PAN3: variants seen among roughly 807,000 people sequenced by gnomAD.
The protein encoded by PAN3 is poly(A) specific ribonuclease subunit PAN3, also known as PAN2-PAN3 deadenylation complex subunit PAN3.
PAN3 carries 19 observed loss-of-function variants against 96.2 expected under a neutral mutation model. That is an observed-to-expected ratio of 0.20 (90% CI 0.14 to 0.29). The LOEUF (loss-of-function observed/expected upper bound fraction) is 0.29, where lower values mean the gene tolerates loss of function less well. Among genes scored for constraint, PAN3 ranks in the 10% least tolerant of loss-of-function variants. PAN3 has a pLI of 1.00. For missense variants in PAN3, 882 were observed against 1,108.1 expected, an observed-to-expected ratio of 0.80 and a Z score of 2.90; for synonymous variants, 433 against 406.6, an observed-to-expected ratio of 1.06 and a Z score of -0.78.
chr13:28,139,116 C>CGGCGGCGGAG, intron 1 of PAN3, 29 bp downstream of exon 1: 1 of 1,273,804 alleles, frequency 7.9e-7, no homozygotes, highest in Non-Finnish European at 9.9e-7. Context: ...GGGCGGGCCG[C>CGGCGGCGGAG]GGCGGCGGAG....
At chr13:28,161,244 G>T (rs1474786720) in intron 1 of PAN3, among the ~76,000 whole-genome samples, 1 of 152,126 alleles carries the variant, frequency 6.6e-6, no homozygotes, top group Non-Finnish European at 1.5e-5. Flanking sequence ...CAGGTTTGGA[G>T]GCTGAAAGTC....
chr13:28,256,686 C>G (rs1052542772), intron 7 of PAN3, 147 bp downstream of exon 7: 1 of 832,552 alleles, frequency 1.2e-6, no homozygotes, highest in Non-Finnish European at 1.8e-6. Context: ...CTAGTCTCTT[C>G]TTCTCAACTC....
chr13:28,262,260 T>C (rs1885804402), intron 9 of PAN3, among the ~76,000 whole-genome samples: 1 of 152,246 alleles, frequency 6.6e-6, no homozygotes, highest in Non-Finnish European at 1.5e-5. Context: ...TTGTTCTAAC[T>C]GTACCACAAT....
intron 6 of PAN3, 87 bp from the exon 7 acceptor site, chr13:28,256,205 C>T: frequency 7.4e-7 from 1 of 1,360,208 alleles, no homozygotes; most frequent in Non-Finnish European, 1.0e-6. Context: ...ATGTTTCTTC[C>T]AAATGAATGT....
chr13:28,205,664 C>T (rs546839314), intron 5 of PAN3, among the ~76,000 whole-genome samples: 1 of 151,966 alleles, frequency 6.6e-6, no homozygotes, highest in African/African-American at 2.4e-5. Context: ...CATAGTGAGA[C>T]CCCTGTCTCT....
rs930119580 is a variant in PAN3, at chr13:28,150,577, C to G, written c.430+11490C>G. Reference sequence around the variant, plus strand: ...GCATGAACCCGGGAGGCAGAACTTGCAGTGAGCCGAGATCACGCCACTGCC... The same window carrying G: ...GCATGAACCCGGGAGGCAGAACTTGGAGTGAGCCGAGATCACGCCACTGCC... On this transcript the variant is annotated intron_variant, in intron 1 of 18. Coordinates refer to ENST00000380958, the MANE Select transcript of PAN3 (RefSeq NM_175854.8). 8.1e-5 allele frequency among the ~76,000 whole-genome samples: 12 copies of G among 148,148 alleles called. No individual in the cohort carries two copies. The South Asian group carries it at 2.6e-3, about 32-fold the overall frequency.
At chr13:28,188,602 AAAAG>A (rs149514129) in intron 4 of PAN3, among the ~76,000 whole-genome samples, 7,990 of 152,152 alleles carry the variant, frequency 0.053, 275 homozygotes, top group South Asian at 0.14. Context: ...TCTAGAAAAA[AAAAG>A]AAAAAGAAAA....
intron 5 of PAN3, among the ~76,000 whole-genome samples, chr13:28,216,345 GGA>G (rs1198524888): frequency 6.6e-6 from 1 of 152,146 alleles, no homozygotes; most frequent in African/African-American, 2.4e-5. Context: ...GGGGTGGAAA[GGA>G]GAGAGGGGTT....
At chr13:28,163,497 A>G (rs983070237) in intron 1 of PAN3, among the ~76,000 whole-genome samples, 1 of 152,154 alleles carries the variant, frequency 6.6e-6, no homozygotes, top group African/African-American at 2.4e-5. Flanking sequence ...CCACACCACA[A>G]CCCTATGAGT....
chr13:28,276,926 A>G (rs191960900), intron 14 of PAN3, among the ~76,000 whole-genome samples: 6 of 152,294 alleles, frequency 3.9e-5, no homozygotes, highest in African/African-American at 1.4e-4. Context: ...AAAAGTGGCA[A>G]TTTGTAGTTG....
intron 5 of PAN3, among the ~76,000 whole-genome samples, chr13:28,197,947 C>T (rs1244892944): frequency 1.3e-5 from 2 of 152,034 alleles, no homozygotes; most frequent in East Asian, 3.9e-4. Flanking sequence ...ATTTTTACTA[C>T]CCAAGAGTTA....
intron 17 of PAN3, among the ~76,000 whole-genome samples, chr13:28,285,857 T>A (rs747713176): frequency 6.6e-6 from 1 of 152,218 alleles, no homozygotes; most frequent in Non-Finnish European, 1.5e-5. Flanking sequence ...CTTGTTTCTC[T>A]GAGGCCGTCA....
At chr13:28,289,330 A>G (rs893347611) in intron 18 of PAN3, among the ~76,000 whole-genome samples, 1 of 152,144 alleles carries the variant, frequency 6.6e-6, no homozygotes, top group Non-Finnish European at 1.5e-5. Flanking sequence ...GCTATAGTGC[A>G]GTCGCACTTA....
intron 6 of PAN3, among the ~76,000 whole-genome samples, chr13:28,230,451 G>C (rs1210800530): frequency 6.6e-6 from 1 of 151,628 alleles, no homozygotes; most frequent in Non-Finnish European, 1.5e-5. Flanking sequence ...TCTGGAACTA[G>C]TAATCAGATA....
intron 17 of PAN3, among the ~76,000 whole-genome samples, chr13:28,282,704 C>T (rs530206703): frequency 6.6e-6 from 1 of 152,134 alleles, no homozygotes; most frequent in South Asian, 2.1e-4. Flanking sequence ...TTTTTCCCTC[C>T]CACCTAGAGA....
At chr13:28,154,780 G>A (rs1474366345) in intron 1 of PAN3, among the ~76,000 whole-genome samples, 1 of 150,214 alleles carries the variant, frequency 6.7e-6, no homozygotes, top group Non-Finnish European at 1.5e-5. Flanking sequence ...ACAGGTGTGA[G>A]CCACCACACT....
chr13:28,256,074 A>G (rs919662795), intron 6 of PAN3, among the ~76,000 whole-genome samples: 1 of 152,176 alleles, frequency 6.6e-6, no homozygotes, highest in African/African-American at 2.4e-5. Flanking sequence ...ATCTGCTAAC[A>G]TATTTGGAAA....
chr13:28,209,269 G>A (rs1435373329), intron 5 of PAN3, among the ~76,000 whole-genome samples: 1 of 152,106 alleles, frequency 6.6e-6, no homozygotes, highest in Non-Finnish European at 1.5e-5. Context: ...GAAGAAGAAG[G>A]CAAAAATGTC....
intron 4 of PAN3, among the ~76,000 whole-genome samples, chr13:28,191,156 A>T (rs1274028424): frequency 6.6e-6 from 1 of 152,186 alleles, no homozygotes; most frequent in Non-Finnish European, 1.5e-5. Flanking sequence ...GATCTTAAAG[A>T]ACTGAAAAAA....
Sources: allele counts gnomAD v4.1 joint callset (sites outside exome capture counted in the v4.1 genomes callset), GRCh38; gene constraint gnomAD v4.1.1; transcripts MANE v1.5; gene names NCBI Gene and HGNC (gene_info 2026-07-23, HGNC 2026-07-21).